Variants in BACH2 observed in about 807,000 individuals in gnomAD.
BACH2 encodes the protein transcription regulator protein BACH2.
BACH2 carries 5 observed loss-of-function variants against 61.8 expected under a neutral mutation model. The ratio of observed to expected loss-of-function variants is 0.08; its 90% CI spans 0.04 to 0.17. The LOEUF is 0.17. Among genes scored for constraint, BACH2 ranks in the 10% least tolerant of loss-of-function variants. The probability of loss-of-function intolerance (pLI) is 1.00; values close to 1 mark genes in which losing one functional copy is unlikely to be tolerated. For missense variants in BACH2, 824 were observed against 1,091.1 expected, an observed-to-expected ratio of 0.76 and a Z score of 3.45; for synonymous variants, 446 against 440.1, an observed-to-expected ratio of 1.01 and a Z score of -0.17.
chr6:90,195,387 C>T (rs898047202), intron 4 of BACH2, among the ~76,000 whole-genome samples: 5 of 152,182 alleles, frequency 3.3e-5, no homozygotes, highest in Non-Finnish European at 4.4e-5. Flanking sequence ...ACAAGCACAA[C>T]CACCTTTCTC....
At chr6:90,158,972 TG>T (rs1220494769) in intron 4 of BACH2, among the ~76,000 whole-genome samples, 2 of 152,234 alleles carry the variant, frequency 1.3e-5, no homozygotes, top group Non-Finnish European at 2.9e-5. Context: ...TGAGTATAAA[TG>T]GTCGAATTAA....
intron 3 of BACH2, among the ~76,000 whole-genome samples, chr6:90,230,052 G>C (rs1770044848): frequency 6.6e-6 from 1 of 152,104 alleles, no homozygotes; most frequent in Non-Finnish European, 1.5e-5. Context: ...ATCCAGAATG[G>C]GGCCCCAAGA....
rs1285941946 is a variant in BACH2, at chr6:89,930,303, CATTT to C, written c.*2101_*2104del. 1 of 119,784 alleles carries C rather than the reference CATTT, an allele frequency of 8.3e-6. No individual in the cohort carries two copies. The highest frequency in any genetic ancestry group is 3.2e-5 in the African/African-American group (1 of 31,708). The allele number at this position is 119,784 out of a possible 1,614,324, so 7.4% of individuals were successfully genotyped here. ...TTTCTGGCATTCATACATATTTAAACATTTAGTGCTAATATTTGTACAGAAAAAA... is the reference window on the plus strand; with the variant it reads ...TTTCTGGCATTCATACATATTTAAACAGTGCTAATATTTGTACAGAAAAAA... On this transcript the variant is annotated 3_prime_UTR_variant, in exon 9 of 9. Transcript: ENST00000257749.
intron 4 of BACH2, among the ~76,000 whole-genome samples, chr6:90,094,075 CT>C (rs1354862715): frequency 6.6e-6 from 1 of 152,096 alleles, no homozygotes; most frequent in African/African-American, 2.4e-5. Context: ...TAATCTTAAC[CT>C]TACTTAAAAA....
In BACH2 at chr6:89,930,872, G is replaced by A. The variant is rs1772607901; in HGVS notation, c.*1536C>T. 1 of 152,412 alleles carries A rather than the reference G, an allele frequency of 6.6e-6. No homozygotes were observed. The allele number at this position is 152,412 out of a possible 1,614,324, so 9.4% of individuals were successfully genotyped here. Reference sequence around the variant, plus strand: ...AACTCCAAGCCTTTGGAGAAGGAAAGGAGAAAGAATGTGTCAGCCTGTGTC... The same window carrying A: ...AACTCCAAGCCTTTGGAGAAGGAAAAGAGAAAGAATGTGTCAGCCTGTGTC... On this transcript the variant is annotated 3_prime_UTR_variant, in exon 9 of 9. Transcript: ENST00000257749.
intron 1 of BACH2, among the ~76,000 whole-genome samples, chr6:90,278,047 ACC>A (rs2127884992): frequency 6.6e-6 from 1 of 152,328 alleles, no homozygotes; most frequent in Admixed American, 6.5e-5. Context: ...CATTTATTCT[ACC>A]CAAAGTTAAA....
intron 5 of BACH2, among the ~76,000 whole-genome samples, chr6:90,022,051 C>T (rs1476954698): frequency 6.6e-6 from 1 of 152,144 alleles, no homozygotes; most frequent in Non-Finnish European, 1.5e-5. Flanking sequence ...TTTCCTTGAC[C>T]TTCTAGGGGA....
chr6:90,179,967 A>G (rs1768103459), intron 4 of BACH2, among the ~76,000 whole-genome samples: 1 of 152,156 alleles, frequency 6.6e-6, no homozygotes, highest in Non-Finnish European at 1.5e-5. Flanking sequence ...TAGTTACCCC[A>G]CTGGAATATT....
At chr6:90,215,800 G>T (rs777928901) in intron 3 of BACH2, among the ~76,000 whole-genome samples, 1 of 152,100 alleles carries the variant, frequency 6.6e-6, no homozygotes, top group Non-Finnish European at 1.5e-5. Flanking sequence ...AGTGCCATTG[G>T]GGGTAGAAAG....
At chr6:90,207,020 C>T (rs1055116038) in intron 3 of BACH2, among the ~76,000 whole-genome samples, 2 of 152,096 alleles carry the variant, frequency 1.3e-5, no homozygotes, top group African/African-American at 4.8e-5. Flanking sequence ...TTCATTCATG[C>T]TATTTATTCT....
At chr6:90,213,784 T>C (rs1022124194) in intron 3 of BACH2, among the ~76,000 whole-genome samples, 2 of 152,196 alleles carry the variant, frequency 1.3e-5, no homozygotes, top group Non-Finnish European at 2.9e-5. Flanking sequence ...AGGCACTCAA[T>C]ATATGCCAAA....
At chr6:90,069,398 T>C (rs959301151) in intron 5 of BACH2, among the ~76,000 whole-genome samples, 1 of 152,216 alleles carries the variant, frequency 6.6e-6, no homozygotes, top group African/African-American at 2.4e-5. Flanking sequence ...GAGAATCAAA[T>C]TGGCATTCTG....
chr6:90,290,003 C>A (rs1772132437), intron 1 of BACH2, among the ~76,000 whole-genome samples: 1 of 152,168 alleles, frequency 6.6e-6, no homozygotes, highest in Non-Finnish European at 1.5e-5. Context: ...TGGCAGTTAA[C>A]TTCTGTTTTT....
chr6:90,033,737 A>G (rs1779127988), intron 5 of BACH2, among the ~76,000 whole-genome samples: 1 of 152,190 alleles, frequency 6.6e-6, no homozygotes, highest in African/African-American at 2.4e-5. Flanking sequence ...AGACACTTGA[A>G]AACCAGAAAG....
chr6:90,192,814 C>G (rs547778651), intron 4 of BACH2, among the ~76,000 whole-genome samples: 2 of 152,334 alleles, frequency 1.3e-5, no homozygotes, highest in Non-Finnish European at 2.9e-5. Context: ...CTTAGGCACT[C>G]ACTTACATAT....
intron 4 of BACH2, among the ~76,000 whole-genome samples, chr6:90,179,428 A>G (rs1393992856): frequency 1.3e-5 from 2 of 152,224 alleles, no homozygotes; most frequent in African/African-American, 4.8e-5. Flanking sequence ...GCATAACCAA[A>G]GGTACCTTTC....
chr6:90,261,591 A>G (rs1771159276), intron 2 of BACH2, among the ~76,000 whole-genome samples: 1 of 152,112 alleles, frequency 6.6e-6, no homozygotes, highest in Non-Finnish European at 1.5e-5. Context: ...CTCCTTCTGC[A>G]GATTCCTGCT....
At chr6:90,102,791 A>AAATAAT (rs372366852) in intron 4 of BACH2, among the ~76,000 whole-genome samples, 3,004 of 113,612 alleles carry the variant, frequency 0.026, 44 homozygotes, top group Non-Finnish European at 0.029. Context: ...ACTCCATTTC[A>AAATAAT]AATAATAATA....
chr6:90,145,550 C>G (rs538756486), intron 4 of BACH2, among the ~76,000 whole-genome samples: 248 of 152,280 alleles, frequency 1.6e-3, no homozygotes, highest in Non-Finnish European at 2.7e-3. Flanking sequence ...AAAATAGGAT[C>G]AAAGCTCTCC....
Sources: allele counts gnomAD v4.1 joint callset (sites outside exome capture counted in the v4.1 genomes callset), GRCh38; gene constraint gnomAD v4.1.1; transcripts MANE v1.5; gene names NCBI Gene and HGNC (gene_info 2026-07-23, HGNC 2026-07-21).